TMEM123: variants seen among roughly 807,000 people sequenced by gnomAD.
TMEM123 encodes porimin.
TMEM123 carries 16 observed loss-of-function variants against 19.7 expected under a neutral mutation model. The ratio of observed to expected loss-of-function variants is 0.81; its 90% CI spans 0.55 to 1.23. The LOEUF (loss-of-function observed/expected upper bound fraction) is 1.23, where lower values mean the gene tolerates loss of function less well. Ranked by LOEUF, TMEM123 falls within the 50% of genes most tolerant of loss-of-function variation. The pLI is 0.00. For missense variants in TMEM123, 313 were observed against 257.8 expected, an observed-to-expected ratio of 1.21 and a Z score of -1.47; for synonymous variants, 118 against 99.4, an observed-to-expected ratio of 1.19 and a Z score of -1.12.
intron 2 of TMEM123, among the ~76,000 whole-genome samples, chr11:102,424,450 C>T (rs998962871): frequency 1.3e-5 from 2 of 152,152 alleles, no homozygotes; most frequent in African/African-American, 2.4e-5. Context: ...CTTTGGGAGG[C>T]TAAGGCAGGT....
chr11:102,444,992 G>C (rs924103912), intron 2 of TMEM123, among the ~76,000 whole-genome samples: 7 of 151,830 alleles, frequency 4.6e-5, no homozygotes, highest in African/African-American at 1.7e-4. Context: ...ACACAGGGCA[G>C]GGAACATCAC....
intron 2 of TMEM123, among the ~76,000 whole-genome samples, chr11:102,406,593 G>A (rs1305853924): frequency 6.6e-6 from 1 of 152,022 alleles, no homozygotes; most frequent in Non-Finnish European, 1.5e-5. Flanking sequence ...TAGCTTCCTG[G>A]GGCCGAGTGC....
At chr11:102,424,160 G>A (rs1952107289) in intron 2 of TMEM123, among the ~76,000 whole-genome samples, 1 of 152,112 alleles carries the variant, frequency 6.6e-6, no homozygotes, top group African/African-American at 2.4e-5. Context: ...TCACCAAAAA[G>A]GAGACAAAAG....
chr11:102,412,585 A>G (rs1952014415), intron 2 of TMEM123, among the ~76,000 whole-genome samples: 1 of 152,092 alleles, frequency 6.6e-6, no homozygotes, highest in African/African-American at 2.4e-5. Flanking sequence ...CAATACAACT[A>G]CTGGCCAGAA....
At chr11:102,437,109 C>T (rs898482561) in intron 2 of TMEM123, among the ~76,000 whole-genome samples, 6 of 152,114 alleles carry the variant, frequency 3.9e-5, no homozygotes, top group Non-Finnish European at 5.9e-5. Context: ...TTGTGCACTT[C>T]GTTTTTGGGA....
At chr11:102,436,459 A>T (rs1857763921) in intron 2 of TMEM123, among the ~76,000 whole-genome samples, 2 of 152,008 alleles carry the variant, frequency 1.3e-5, no homozygotes, top group South Asian at 4.1e-4. Context: ...CACCGCACCC[A>T]GCCTCAATTT....
chr11:102,418,531 G>A (rs1952059714), intron 2 of TMEM123, among the ~76,000 whole-genome samples: 1 of 152,210 alleles, frequency 6.6e-6, no homozygotes, highest in Admixed American at 6.5e-5. Flanking sequence ...GCAAGGCCAT[G>A]GAGAAAAAGG....
At chr11:102,418,298 T>A (rs1952057944) in intron 2 of TMEM123, among the ~76,000 whole-genome samples, 1 of 151,986 alleles carries the variant, frequency 6.6e-6, no homozygotes, top group Non-Finnish European at 1.5e-5. Flanking sequence ...CTGACAAAGG[T>A]CTAATATCTA....
At chr11:102,440,649 C>A (rs997444415) in intron 2 of TMEM123, among the ~76,000 whole-genome samples, 9 of 152,158 alleles carry the variant, frequency 5.9e-5, no homozygotes, top group African/African-American at 2.2e-4. Flanking sequence ...AACTAACGAG[C>A]AAAATACCCA....
intron 2 of TMEM123, among the ~76,000 whole-genome samples, chr11:102,430,757 T>C (rs1565353281): frequency 6.6e-6 from 1 of 152,224 alleles, no homozygotes; most frequent in Non-Finnish European, 1.5e-5. Flanking sequence ...TATACTCTCT[T>C]AGCCGCATGA....
At chr11:102,442,162 A>G (rs1248790314) in intron 2 of TMEM123, among the ~76,000 whole-genome samples, 2 of 152,230 alleles carry the variant, frequency 1.3e-5, no homozygotes, top group Non-Finnish European at 2.9e-5. Context: ...AACTATTCCA[A>G]TCAACAGAAA....
In TMEM123 at chr11:102,397,229, A is replaced by G. The variant is rs1318513358; in HGVS notation, c.*1638T>C. On this transcript the variant is annotated 3_prime_UTR_variant, in exon 5 of 5. Coordinates refer to ENST00000398136, the MANE Select transcript of TMEM123 (RefSeq NM_052932.3). ...AGATTATTGGTTAAAATGCACAGCA[A>G]GTAGAAATGATCCATTTCAAAATTC... 6.6e-6 allele frequency: 1 copy of G among 152,242 alleles called. No individual in the cohort carries two copies. The highest frequency in any genetic ancestry group is 1.5e-5 in the Non-Finnish European group (1 of 68,038). 9.4% of individuals were successfully genotyped at this position (152,242 alleles called of 1,614,324 possible).
chr11:102,452,508 C>T lies in TMEM123; in HGVS notation c.100+16G>A, dbSNP rs1480228298. 7.3e-6 allele frequency: 11 copies of T among 1,513,218 alleles called. No homozygotes were observed. The highest frequency in any genetic ancestry group is 1.4e-5 in the African/African-American group (1 of 72,024). The allele number at this position is 1,513,218 out of a possible 1,614,324, so 93.7% of individuals were successfully genotyped here. A position where few individuals can be genotyped will look rare whatever the true frequency, so the allele number is the denominator to read the frequency against. On this transcript the variant is annotated intron_variant, in intron 1 of 4. Coordinates refer to ENST00000398136, the MANE Select transcript of TMEM123 (RefSeq NM_052932.3). ...GCCTCCCACGAACGGGGCTGACGAC[C>T]CCCGCAGCCACTTACCCGCCATGGC...
Position 102,397,744 on chromosome 11 carries a change from A to G in TMEM123, c.*1123T>C, listed in dbSNP as rs909219070. 6.6e-6 allele frequency: 1 copy of G among 152,214 alleles called. No individual in the cohort carries two copies. Among genetic ancestry groups the G allele is most frequent in the African/African-American group, 2.4e-5 (1 of 41,464 alleles). The allele number at this position is 152,214 out of a possible 1,614,324, so 9.4% of individuals were successfully genotyped here. On this transcript the variant is annotated 3_prime_UTR_variant, in exon 5 of 5. Transcript: ENST00000398136. ...AATGTCATTTCCCCAAATCTGAGTA[A>G]TATCGACAGTGCATGAAAGAAAATA... is the stretch of plus-strand genomic sequence containing the variant.
chr11:102,398,747 A>G lies in TMEM123; in HGVS notation c.*120T>C. 2 of 984,412 alleles carry G rather than the reference A, an allele frequency of 2.0e-6. No homozygotes were observed. The highest frequency in any genetic ancestry group is 1.7e-5 in the African/African-American group (1 of 60,144). The allele number at this position is 984,412 out of a possible 1,614,324, so 61.0% of individuals were successfully genotyped here. On this transcript the variant is annotated 3_prime_UTR_variant, in exon 5 of 5. Transcript: ENST00000398136. ...ATATTTACGTAATACACTGTACATT[A>G]TATGCATGGCCTGTTTATACTATTT...
chr11:102,418,647 A>T (rs2135851241), intron 2 of TMEM123, among the ~76,000 whole-genome samples: 1 of 152,356 alleles, frequency 6.6e-6, no homozygotes, highest in East Asian at 1.9e-4. Flanking sequence ...TTGACCTAGC[A>T]ATCCCATTAC....
chr11:102,448,764 G>A, intron 2 of TMEM123, 48 bp downstream of exon 2: 6 of 1,573,332 alleles, frequency 3.8e-6, no homozygotes, highest in Non-Finnish European at 5.2e-6. Context: ...ATTACTTCAT[G>A]TACCCTAGAC....
chr11:102,434,651 A>G (rs1323573591), intron 2 of TMEM123, among the ~76,000 whole-genome samples: 1 of 151,830 alleles, frequency 6.6e-6, no homozygotes, highest in Non-Finnish European at 1.5e-5. Context: ...CTAAAATATC[A>G]TTGCCCAGAC....
intron 2 of TMEM123, among the ~76,000 whole-genome samples, chr11:102,426,082 T>C (rs954740029): frequency 2.0e-5 from 3 of 152,322 alleles, no homozygotes; most frequent in East Asian, 3.9e-4. Flanking sequence ...GCCCAACACA[T>C]AGAATGTACA....
Sources: gnomAD v4.1 joint callset for allele counts (sites outside exome capture counted in the v4.1 genomes callset) on GRCh38, gnomAD v4.1.1 for gene constraint, MANE v1.5 for transcripts, NCBI Gene and HGNC (gene_info 2026-07-23, HGNC 2026-07-21) for gene names.